PLCB1: variants seen among roughly 807,000 people sequenced by gnomAD.
PLCB1 encodes the protein phospholipase C beta 1.
PLCB1 carries 46 observed loss-of-function variants against 161.8 expected under a neutral mutation model. The ratio of observed to expected loss-of-function variants is 0.28; its 90% confidence interval spans 0.22 to 0.36. The LOEUF is 0.36. Among genes scored for constraint, PLCB1 ranks in the 10% least tolerant of loss-of-function variants. The pLI, the probability that PLCB1 is intolerant of heterozygous loss-of-function variation, is 1.00. For synonymous variants in PLCB1, 517 were observed against 503.7 expected, an observed-to-expected ratio of 1.03 and a Z score of -0.35; for missense variants, 1,016 against 1,472.5, an observed-to-expected ratio of 0.69 and a Z score of 5.07.
intron 3 of PLCB1, among the ~76,000 whole-genome samples, chr20:8,601,259 G>T (rs1035068416): frequency 6.6e-6 from 1 of 152,184 alleles, no homozygotes; most frequent in Non-Finnish European, 1.5e-5. Context: ...ATATGCGCAG[G>T]TTTGTTACAT....
chr20:8,632,051 T>TTTG (rs1988613825), intron 4 of PLCB1, among the ~76,000 whole-genome samples: 1 of 143,104 alleles, frequency 7.0e-6, no homozygotes, highest in Non-Finnish European at 1.5e-5. Context: ...TTTTTTTTTT[T>TTTG]TTTTTTTTTT....
At chr20:8,151,570 C>T (rs980883921) in intron 2 of PLCB1, among the ~76,000 whole-genome samples, 2 of 152,270 alleles carry the variant, frequency 1.3e-5, no homozygotes, top group African/African-American at 2.4e-5. Context: ...TCCTACTTAA[C>T]GCTCACATTT....
chr20:8,571,471 T>G (rs6055909), intron 3 of PLCB1, among the ~76,000 whole-genome samples: 90,204 of 151,916 alleles, frequency 0.59, 27,548 homozygotes, highest in African/African-American at 0.7. Flanking sequence ...GACCAAGTGA[T>G]ACTCCGTCTC....
At chr20:8,799,571 A>C (rs1450392232) in intron 31 of PLCB1, among the ~76,000 whole-genome samples, 1 of 152,190 alleles carries the variant, frequency 6.6e-6, no homozygotes, top group Non-Finnish European at 1.5e-5. Flanking sequence ...TATCAAACAC[A>C]CACATCCAAA....
intron 25 of PLCB1, among the ~76,000 whole-genome samples, chr20:8,764,744 A>G (rs1195304567): frequency 2.6e-5 from 4 of 152,078 alleles, no homozygotes; most frequent in Non-Finnish European, 4.4e-5. Flanking sequence ...TCCCCATGGG[A>G]TCAGGCAGAG....
At chr20:8,873,895 T>C (rs1987690484) in intron 31 of PLCB1, among the ~76,000 whole-genome samples, 1 of 152,056 alleles carries the variant, frequency 6.6e-6, no homozygotes, top group South Asian at 2.1e-4. Flanking sequence ...TCTTTAGCAG[T>C]AAATTCCAAA....
intron 2 of PLCB1, among the ~76,000 whole-genome samples, chr20:8,267,176 T>C (rs1036407399): frequency 2.0e-5 from 3 of 151,782 alleles, no homozygotes; most frequent in Non-Finnish European, 4.4e-5. Flanking sequence ...AGCTTGTCAA[T>C]ACTCAGCAAG....
At chr20:8,250,735 G>T (rs1433378319) in intron 2 of PLCB1, among the ~76,000 whole-genome samples, 2 of 151,936 alleles carry the variant, frequency 1.3e-5, no homozygotes, top group African/African-American at 2.4e-5. Context: ...ATTGCTGGCT[G>T]CCAGGTCAGG....
chr20:8,196,630 C>T (rs2052026626), intron 2 of PLCB1, among the ~76,000 whole-genome samples: 1 of 150,274 alleles, frequency 6.7e-6, no homozygotes, highest in African/African-American at 2.4e-5. Flanking sequence ...GTCTAACAGC[C>T]TCAAACAAGC....
chr20:8,432,363 GT>G (rs1221840115), intron 3 of PLCB1, among the ~76,000 whole-genome samples: 1 of 152,194 alleles, frequency 6.6e-6, no homozygotes, highest in Admixed American at 6.5e-5. Flanking sequence ...GCTGGTTGGA[GT>G]TTTTCCAAGG....
intron 2 of PLCB1, among the ~76,000 whole-genome samples, chr20:8,293,295 C>T (rs559808388): frequency 2.7e-4 from 41 of 152,026 alleles, no homozygotes; most frequent in Non-Finnish European, 4.9e-4. Flanking sequence ...GTCTGAATAA[C>T]CCTAGTTTTC....
At chr20:8,731,675 T>C (rs1980255590) in intron 18 of PLCB1, among the ~76,000 whole-genome samples, 1 of 152,044 alleles carries the variant, frequency 6.6e-6, no homozygotes, top group African/African-American at 2.4e-5. Context: ...GTTATCTTAA[T>C]AGATCTCATT....
chr20:8,191,924 G>A lies in PLCB1; in HGVS notation c.177+41553G>A, dbSNP rs764973243. On this transcript the variant is annotated intron_variant, in intron 2 of 31. Transcript: ENST00000338037. ...CACATACCACTTGTAAAGCAGGTTT[G>A]AATAAAAGATGCAAGGAAGGTTGAC... 9.9e-5 allele frequency among the ~76,000 whole-genome samples: 15 copies of A among 151,894 alleles called. 1 individual carries two copies. Among genetic ancestry groups the A allele is most frequent in the Non-Finnish European group, 2.1e-4 (14 of 67,944 alleles).
chr20:8,672,309 A>C (rs1445033307), intron 9 of PLCB1, among the ~76,000 whole-genome samples: 1 of 152,200 alleles, frequency 6.6e-6, no homozygotes, highest in Non-Finnish European at 1.5e-5. Flanking sequence ...GTAGCATATC[A>C]TAAAAGATTG....
intron 31 of PLCB1, among the ~76,000 whole-genome samples, chr20:8,839,451 T>C (rs73087936): frequency 2.0e-4 from 31 of 152,310 alleles, no homozygotes; most frequent in Non-Finnish European, 4.1e-4. Context: ...CAGGCTGCTA[T>C]GCAAGCAGCT....
chr20:8,412,458 A>G (rs1979087452), intron 3 of PLCB1, among the ~76,000 whole-genome samples: 1 of 152,174 alleles, frequency 6.6e-6, no homozygotes, highest in Non-Finnish European at 1.5e-5. Context: ...CTTCTATCTG[A>G]CTGTCATTTC....
intron 2 of PLCB1, among the ~76,000 whole-genome samples, chr20:8,256,258 A>G (rs551595998): frequency 6.6e-6 from 1 of 152,086 alleles, no homozygotes; most frequent in Non-Finnish European, 1.5e-5. Context: ...ACTTAGTGCC[A>G]ATTCTATGAG....
chr20:8,667,766 G>T (rs1989849087), intron 9 of PLCB1, among the ~76,000 whole-genome samples: 1 of 152,210 alleles, frequency 6.6e-6, no homozygotes, highest in African/African-American at 2.4e-5. Flanking sequence ...CAACCCCATA[G>T]TCTGCTGAGT....
chr20:8,512,286 A>G (rs1471735988), intron 3 of PLCB1, among the ~76,000 whole-genome samples: 2 of 152,198 alleles, frequency 1.3e-5, no homozygotes, highest in South Asian at 2.1e-4. Flanking sequence ...AAATAAGGCA[A>G]TATTCCAATA....
Sources: allele counts gnomAD v4.1 joint callset (sites outside exome capture counted in the v4.1 genomes callset), GRCh38; gene constraint gnomAD v4.1.1; transcripts MANE v1.5; gene names NCBI Gene and HGNC (gene_info 2026-07-23, HGNC 2026-07-21).